Variants in TMEM178B observed in about 807,000 individuals in gnomAD.
The protein encoded by TMEM178B is transmembrane protein 178B.
A neutral mutation model predicts 31.0 loss-of-function variants in TMEM178B; 5 were observed. The ratio of observed to expected loss-of-function variants is 0.16; its 90% CI spans 0.08 to 0.34. The LOEUF is 0.34. Ranked by LOEUF, TMEM178B falls within the 10% of genes least tolerant of loss-of-function variation. The pLI is 1.00. For missense variants in TMEM178B, 275 were observed against 400.3 expected, an observed-to-expected ratio of 0.69 and a Z score of 2.67; for synonymous variants, 164 against 164.0, an observed-to-expected ratio of 1.00 and a Z score of 0.00.
chr7:141,500,413 C>G, the TMEM178B span, among the ~76,000 whole-genome samples: 4 of 152,126 alleles, frequency 2.6e-5, no homozygotes, highest in Non-Finnish European at 5.9e-5. Flanking sequence ...AAGAATCATA[C>G]CTTTCTAAGT....
At chr7:141,383,078 C>G (rs1041318587) in intron 2 of TMEM178B, among the ~76,000 whole-genome samples, 1 of 152,184 alleles carries the variant, frequency 6.6e-6, no homozygotes. Context: ...GCAGCCCAAC[C>G]TTTACTTCCT....
At chr7:141,203,544 G>A (rs532904432) in intron 1 of TMEM178B, among the ~76,000 whole-genome samples, 49 of 152,208 alleles carry the variant, frequency 3.2e-4, no homozygotes, top group Non-Finnish European at 5.1e-4. Flanking sequence ...CCATGTACAA[G>A]GCACTGTGGC....
chr7:141,217,622 C>A (rs1316512814), intron 2 of TMEM178B, among the ~76,000 whole-genome samples: 1 of 152,128 alleles, frequency 6.6e-6, no homozygotes, highest in African/African-American at 2.4e-5. Flanking sequence ...TCAAATAATA[C>A]CTGCCTGAGG....
rs183147381 is a variant in TMEM178B, at chr7:141,116,490, T to A, written c.382+41798T>A. ...AAATTCCAATGAATTGAATCTCCAA[T>A]GAATTGACTCTGCAATGAACTTGGA... is the stretch of plus-strand genomic sequence containing the variant. On this transcript the variant is annotated intron_variant, in intron 1 of 3. Coordinates refer to ENST00000565468, the MANE Select transcript of TMEM178B (RefSeq NM_001195278.2). 1.4e-4 allele frequency among the ~76,000 whole-genome samples: 22 copies of A among 152,208 alleles called. No homozygotes were observed. The East Asian group carries it at 3.7e-3, about 25-fold the overall frequency.
At chr7:141,437,515 A>G in intron 2 of TMEM178B, 93 bp from the exon 3 acceptor site, 1 of 1,475,898 alleles carries the variant, frequency 6.8e-7, no homozygotes, top group Non-Finnish European at 9.0e-7. Context: ...CTGGAGGGCC[A>G]CTCCCTCTCT....
intron 2 of TMEM178B, among the ~76,000 whole-genome samples, chr7:141,217,440 G>A (rs1359475978): frequency 2.0e-5 from 3 of 152,188 alleles, no homozygotes; most frequent in Non-Finnish European, 2.9e-5. Flanking sequence ...GAGTGCATCC[G>A]TCCCAGGAAG....
the TMEM178B span, among the ~76,000 whole-genome samples, chr7:141,503,728 C>T: frequency 6.6e-6 from 1 of 152,190 alleles, no homozygotes; most frequent in South Asian, 2.1e-4. Context: ...TACCTTTCTG[C>T]TGTCTTTTTC....
chr7:141,149,535 C>A (rs1483607738), intron 1 of TMEM178B, among the ~76,000 whole-genome samples: 1 of 150,564 alleles, frequency 6.6e-6, no homozygotes, highest in African/African-American at 2.5e-5. Flanking sequence ...GTAACAACAA[C>A]AACAGCAACA....
chr7:141,445,571 A>G (rs1338296433), intron 3 of TMEM178B, among the ~76,000 whole-genome samples: 2 of 152,240 alleles, frequency 1.3e-5, no homozygotes, highest in Non-Finnish European at 2.9e-5. Flanking sequence ...ATTATATCTC[A>G]AACTTCATGA....
rs149450715 is a variant in TMEM178B, at chr7:141,226,230, G to T, written c.496+13526G>T. 4.4e-3 allele frequency among the ~76,000 whole-genome samples: 676 copies of T among 152,236 alleles called. 4 individuals are homozygous for T. Among genetic ancestry groups the T allele is most frequent in the African/African-American group, 0.016 (645 of 41,516 alleles). ...ATGGGAACACCCTCTTGGGGGGAGG[G>T]TGTGAAGAAGGAAGGAGCTGCTCTT... On this transcript the variant is annotated intron_variant, in intron 2 of 3. Coordinates refer to ENST00000565468, the MANE Select transcript of TMEM178B (RefSeq NM_001195278.2).
the TMEM178B span, among the ~76,000 whole-genome samples, chr7:141,506,000 G>A: frequency 6.6e-6 from 1 of 152,200 alleles, no homozygotes; most frequent in Non-Finnish European, 1.5e-5. Flanking sequence ...CCAGACAGAG[G>A]TTATGGGCCA....
chr7:141,468,851 T>G (rs546240960), intron 3 of TMEM178B, among the ~76,000 whole-genome samples: 1 of 152,308 alleles, frequency 6.6e-6, no homozygotes, highest in African/African-American at 2.4e-5. Flanking sequence ...TAGGGTTTTA[T>G]AGACCGGCTT....
intron 3 of TMEM178B, among the ~76,000 whole-genome samples, chr7:141,459,162 T>C (rs1802018065): frequency 6.6e-6 from 1 of 152,210 alleles, no homozygotes; most frequent in Admixed American, 6.5e-5. Flanking sequence ...CCCGAGTAGC[T>C]GGGATTACAG....
At chr7:141,113,283 G>T (rs537130102) in intron 1 of TMEM178B, among the ~76,000 whole-genome samples, 1 of 152,300 alleles carries the variant, frequency 6.6e-6, no homozygotes, top group South Asian at 2.1e-4. Flanking sequence ...AGTTGAAGCA[G>T]GAGGGGTACC....
chr7:141,298,279 T>G (rs1798669112), intron 2 of TMEM178B, among the ~76,000 whole-genome samples: 2 of 152,226 alleles, frequency 1.3e-5, no homozygotes, highest in African/African-American at 2.4e-5. Flanking sequence ...ATGGGTAGAT[T>G]GCAAAAATTT....
chr7:141,426,970 A>AG (rs1211161805), intron 2 of TMEM178B, among the ~76,000 whole-genome samples: 1 of 152,184 alleles, frequency 6.6e-6, no homozygotes, highest in East Asian at 1.9e-4. Flanking sequence ...TAGTAGCTGC[A>AG]AAAAATTTAA....
downstream of TMEM178B, among the ~76,000 whole-genome samples, chr7:141,484,961 T>C (rs1415879206): frequency 1.3e-5 from 2 of 152,018 alleles, no homozygotes; most frequent in Non-Finnish European, 1.5e-5. This position sits in a 1 kb window ranked among gnomAD's most constrained non-coding sequence, Gnocchi z 4.8. Flanking sequence ...AAAGCATCAA[T>C]TTAAACTAAT....
intron 2 of TMEM178B, among the ~76,000 whole-genome samples, chr7:141,384,418 G>A (rs746463482): frequency 2.0e-5 from 3 of 152,190 alleles, no homozygotes; most frequent in Non-Finnish European, 2.9e-5. Flanking sequence ...AAGGGATCCA[G>A]TTTCAGCTTT....
At chr7:141,388,374 C>A (rs1281695564) in intron 2 of TMEM178B, among the ~76,000 whole-genome samples, 1 of 152,210 alleles carries the variant, frequency 6.6e-6, no homozygotes, top group Non-Finnish European at 1.5e-5. Context: ...TCTAATAATA[C>A]CGCCTGTTTT....
Sources: gnomAD v4.1 joint callset for allele counts (sites outside exome capture counted in the v4.1 genomes callset) on GRCh38, gnomAD v4.1.1 for gene constraint, Gnocchi (gnomAD v3.1) non-coding constraint, MANE v1.5 for transcripts, NCBI Gene and HGNC (gene_info 2026-07-23, HGNC 2026-07-21) for gene names.